SEC23A: variants seen among roughly 807,000 people sequenced by gnomAD.
SEC23A encodes protein transport protein Sec23A.
In SEC23A, 56 loss-of-function variants were observed where a neutral mutation model predicts 103.7. The ratio of observed to expected loss-of-function variants is 0.54; its 90% CI spans 0.44 to 0.67. SEC23A has a LOEUF of 0.67. Ranked by LOEUF, SEC23A falls within the 30% of genes least tolerant of loss-of-function variation. The pLI is 0.00. For missense variants in SEC23A, 784 were observed against 936.4 expected (o/e 0.84, Z 2.12); for synonymous variants, 281 against 293.0 (o/e 0.96, Z 0.42).
chr14:39,079,786 C>T (rs1230710268), intron 7 of SEC23A, among the ~76,000 whole-genome samples: 1 of 152,024 alleles, frequency 6.6e-6, no homozygotes, highest in Non-Finnish European at 1.5e-5. Context: ...TGCACCACTG[C>T]ACTCCAGCCT....
chr14:39,042,104 T>C (rs1885668682), intron 17 of SEC23A, among the ~76,000 whole-genome samples: 1 of 152,106 alleles, frequency 6.6e-6, no homozygotes, highest in Admixed American at 6.5e-5. Context: ...AAATCTAAAA[T>C]CATTTACAAT....
chr14:39,043,482 T>A (rs754224407), intron 16 of SEC23A, among the ~76,000 whole-genome samples: 18 of 152,088 alleles, frequency 1.2e-4, no homozygotes, highest in Non-Finnish European at 2.2e-4. Context: ...TAGAGCAAAT[T>A]TGGAGCACAT....
At chr14:39,098,014 G>C (rs149289092) in intron 1 of SEC23A, among the ~76,000 whole-genome samples, 5 of 152,030 alleles carry the variant, frequency 3.3e-5, no homozygotes, top group African/African-American at 4.8e-5. Flanking sequence ...GCTTGAACTG[G>C]GGGGGCAGAG....
At chr14:39,085,506 T>C (rs1232451629) in intron 7 of SEC23A, among the ~76,000 whole-genome samples, 1 of 152,142 alleles carries the variant, frequency 6.6e-6, no homozygotes, top group East Asian at 1.9e-4. Flanking sequence ...TGAGATGTGA[T>C]GTTATCTCCA....
intron 16 of SEC23A, among the ~76,000 whole-genome samples, chr14:39,043,389 A>C (rs1885719661): frequency 6.6e-6 from 1 of 152,188 alleles, no homozygotes; most frequent in Non-Finnish European, 1.5e-5. Context: ...CTTTAAGCTG[A>C]GGTAACAAAC....
intron 1 of SEC23A, among the ~76,000 whole-genome samples, chr14:39,102,734 G>A (rs528607900): frequency 8.5e-5 from 13 of 152,298 alleles, no homozygotes; most frequent in South Asian, 2.1e-4. Context: ...GGACTTGGGT[G>A]GAGGTGGGTG....
chr14:39,095,945 A>G lies in SEC23A; in HGVS notation c.174T>C (p.Pro58=). Residue 58 remains proline, a synonymous_variant, in exon 2 of 20, where the codon CCT becomes CCC. Coordinates refer to ENST00000307712, the MANE Select transcript of SEC23A (RefSeq NM_006364.4). ...GGCAAGTGGTCCTACTACACAGAAC[A>G]GGTTCATATTGAATAGGTGGTAAGT... ...RPDLPPIQYE[P]VLCSRTTCRA... The G allele has an allele frequency of 6.2e-7, 1 of 1,614,204 alleles. No individual in the cohort carries two copies. Among genetic ancestry groups the G allele is most frequent in the East Asian group, 2.2e-5 (1 of 44,890 alleles).
chr14:39,056,070 T>C (rs536193207), intron 13 of SEC23A, among the ~76,000 whole-genome samples: 3 of 152,366 alleles, frequency 2.0e-5, no homozygotes, highest in Admixed American at 6.5e-5. Flanking sequence ...TATGAACCTG[T>C]CACAGTTTAA....
chr14:39,087,012 TAA>T lies in SEC23A; in HGVS notation c.604-6_604-5del. 6.8e-7 allele frequency: 1 copy of T among 1,478,312 alleles called. No homozygotes were observed. The highest frequency in any genetic ancestry group is 9.5e-7 in the Non-Finnish European group (1 of 1,055,884). The allele number at this position is 1,478,312 out of a possible 1,614,324, so 91.6% of individuals were successfully genotyped here. Reference sequence around the variant, plus strand: ...CTTTAGAGAGCCCCAGCATTTCCTGTAAAGAGATTACTTGTGCAATATTCATT... The same window carrying T: ...CTTTAGAGAGCCCCAGCATTTCCTGTAGAGATTACTTGTGCAATATTCATT... On this transcript the variant is annotated splice_polypyrimidine_tract_variant and splice_region_variant and intron_variant, in intron 5 of 19. Coordinates refer to ENST00000307712, the MANE Select transcript of SEC23A (RefSeq NM_006364.4).
chr14:39,068,442 A>G (rs1373625976), intron 9 of SEC23A, among the ~76,000 whole-genome samples: 1 of 152,220 alleles, frequency 6.6e-6, no homozygotes, highest in Non-Finnish European at 1.5e-5. Flanking sequence ...TATATTCACA[A>G]GGTTATTCGC....
At chr14:39,093,943 G>T (rs1055213286) in intron 2 of SEC23A, among the ~76,000 whole-genome samples, 3 of 151,872 alleles carry the variant, frequency 2.0e-5, no homozygotes, top group South Asian at 4.1e-4. Context: ...GGTGATACAA[G>T]AAAAAGAGAA....
chr14:39,093,475 A>T (rs1326570417), intron 2 of SEC23A, among the ~76,000 whole-genome samples: 7 of 152,162 alleles, frequency 4.6e-5, no homozygotes, highest in African/African-American at 7.2e-5. Flanking sequence ...TATAGTAAAT[A>T]TTGGCTGGGT....
At chr14:39,067,603 G>A (rs1177489017) in intron 9 of SEC23A, among the ~76,000 whole-genome samples, 1 of 149,602 alleles carries the variant, frequency 6.7e-6, no homozygotes, top group East Asian at 2.0e-4. Context: ...GTACAGAAGA[G>A]TATATAGTAA....
At chr14:39,036,568 A>G (rs1318365948) in intron 19 of SEC23A, among the ~76,000 whole-genome samples, 1 of 152,076 alleles carries the variant, frequency 6.6e-6, no homozygotes, top group African/African-American at 2.4e-5. Context: ...TTTTCACTCC[A>G]CCTAAAAACC....
At chr14:39,091,018 C>A in intron 5 of SEC23A, 1 of 381,064 alleles carries the variant, frequency 2.6e-6, no homozygotes, top group South Asian at 2.2e-5. Flanking sequence ...CACTGCTGCC[C>A]CAGCTGAGGA....
chr14:39,046,167 G>A (rs1679303522), intron 15 of SEC23A, among the ~76,000 whole-genome samples: 1 of 151,932 alleles, frequency 6.6e-6, no homozygotes, highest in South Asian at 2.1e-4. Context: ...ATGTGAAACT[G>A]TGAGTCAATT....
chr14:39,061,373 C>T (rs1164089508), intron 13 of SEC23A, among the ~76,000 whole-genome samples: 1 of 150,740 alleles, frequency 6.6e-6, no homozygotes, highest in Non-Finnish European at 1.5e-5. Flanking sequence ...ACTAATAAAA[C>T]TTGAAAAAAA....
chr14:39,089,383 T>G (rs1241319685), intron 5 of SEC23A, among the ~76,000 whole-genome samples: 1 of 152,108 alleles, frequency 6.6e-6, no homozygotes, highest in Admixed American at 6.6e-5. Context: ...TATTTTACAA[T>G]TGAAAAAAAC....
At chr14:39,034,903 T>C (rs796298517) in intron 19 of SEC23A, among the ~76,000 whole-genome samples, 29 of 152,258 alleles carry the variant, frequency 1.9e-4, no homozygotes, top group African/African-American at 6.5e-4. Context: ...CTTACGGCCG[T>C]TCATGGATAA....
Sources: gnomAD v4.1 joint callset for allele counts (sites outside exome capture counted in the v4.1 genomes callset) on GRCh38, gnomAD v4.1.1 for gene constraint, MANE v1.5 for transcripts, NCBI Gene and HGNC (gene_info 2026-07-23, HGNC 2026-07-21) for gene names.